Variants in MCFD2 observed in about 807,000 individuals in gnomAD.
MCFD2 encodes the protein multiple coagulation factor deficiency protein 2.
Under a neutral mutation model 12.8 loss-of-function variants are expected in MCFD2, and 11 were observed. The observed-to-expected ratio is 0.86, with a 90% CI of 0.54 to 1.42. The LOEUF (loss-of-function observed/expected upper bound fraction) is 1.42. Ranked by LOEUF, MCFD2 falls within the 40% of genes most tolerant of loss-of-function variation. The pLI, the probability that MCFD2 is intolerant of heterozygous loss-of-function variation, is 0.00. For synonymous variants in MCFD2, 70 were observed against 68.1 expected (o/e 1.03, Z -0.14); for missense variants, 191 against 178.6 (o/e 1.07, Z -0.40).
chr2:46,906,161 A>C (rs567413210), intron 3 of MCFD2, among the ~76,000 whole-genome samples: 1 of 152,246 alleles, frequency 6.6e-6, no homozygotes, highest in South Asian at 2.1e-4. Context: ...TTCCTTTGCC[A>C]CATCTCCCAC....
intron 1 of MCFD2, among the ~76,000 whole-genome samples, chr2:46,929,684 GATTGAAA>G (rs1161764910): frequency 6.6e-6 from 1 of 152,044 alleles, no homozygotes; most frequent in African/African-American, 2.4e-5. Context: ...AAATAAGAAA[GATTGAAA>G]ATTAATGAGC....
intron 1 of MCFD2, among the ~76,000 whole-genome samples, chr2:46,934,570 G>A (rs764504736): frequency 6.6e-5 from 10 of 151,622 alleles, no homozygotes; most frequent in South Asian, 2.1e-4. Context: ...CACCCAACCC[G>A]GCCTGTGACT....
chr2:46,910,666 C>T (rs1377236753), intron 1 of MCFD2: 2 of 152,250 alleles, frequency 1.3e-5, no homozygotes, highest in Non-Finnish European at 2.9e-5. Flanking sequence ...AGAAAAATTT[C>T]CCAAATCCGT....
At position 46,905,423 on chromosome 2, in the gene MCFD2, G is replaced by T; in HGVS notation, c.*40C>A. The T allele has an allele frequency of 6.2e-7, 1 of 1,609,466 alleles. No homozygotes were observed. Among genetic ancestry groups the T allele is most frequent in the Middle Eastern group, 2.3e-4 (1 of 4,438 alleles). ...TAAAGTGTTCAATCACATTATCACG[G>T]GTCACATTTGTATATAACCAGGAGA... On this transcript the variant is annotated 3_prime_UTR_variant, in exon 4 of 4. Coordinates refer to ENST00000319466, the MANE Select transcript of MCFD2 (RefSeq NM_139279.6).
chr2:46,938,669 G>C (rs1429064748), intron 1 of MCFD2, among the ~76,000 whole-genome samples: 1 of 152,194 alleles, frequency 6.6e-6, no homozygotes, highest in East Asian at 1.9e-4. Context: ...TTCTCTTATA[G>C]TCAATAAATT....
intron 1 of MCFD2, among the ~76,000 whole-genome samples, chr2:46,927,340 A>G (rs1379059706): frequency 6.6e-6 from 1 of 151,208 alleles, no homozygotes; most frequent in Non-Finnish European, 1.5e-5. Context: ...TATTAAAGAT[A>G]GAGGAGAAAA....
At chr2:46,910,396 A>G (rs1485774163) in intron 1 of MCFD2, among the ~76,000 whole-genome samples, 1 of 152,208 alleles carries the variant, frequency 6.6e-6, no homozygotes, top group Non-Finnish European at 1.5e-5. Context: ...CCAACAGGCA[A>G]AACAGATTCT....
chr2:46,938,997 C>T (rs1381452565), intron 1 of MCFD2, among the ~76,000 whole-genome samples: 7 of 138,114 alleles, frequency 5.1e-5, no homozygotes, highest in African/African-American at 1.4e-4. Flanking sequence ...GGCAACAGAG[C>T]GAGACTCTGT....
chr2:46,941,613 C>T lies in MCFD2; in HGVS notation c.-49G>A, dbSNP rs1285308798. Reference sequence around the variant, plus strand: ...AGCTGGAGCGCTGCCGCGCCGAGGGCCACTGGGACCGCATGCCGGAGCTGG... The same window carrying T: ...AGCTGGAGCGCTGCCGCGCCGAGGGTCACTGGGACCGCATGCCGGAGCTGG... On this transcript the variant is annotated 5_prime_UTR_variant, in exon 1 of 3. Coordinates refer to the MCFD2 transcript ENST00000409147. This position sits in a 1 kb window ranked among gnomAD's most constrained non-coding sequence, Gnocchi z 4.2. 6.4e-7 allele frequency: 1 copy of T among 1,556,376 alleles called. No individual in the cohort carries two copies. Among genetic ancestry groups the T allele is most frequent in the South Asian group, 1.2e-5 (1 of 84,408 alleles).
At chr2:46,926,686 G>A (rs1669401086) in intron 1 of MCFD2, among the ~76,000 whole-genome samples, 1 of 152,194 alleles carries the variant, frequency 6.6e-6, no homozygotes, top group Admixed American at 6.5e-5. Context: ...CTAAGCATCA[G>A]ATGATTTCTA....
Position 46,904,959 on chromosome 2 carries a change from A to T in MCFD2, c.*504T>A, listed in dbSNP as rs893517338. Reference sequence around the variant, plus strand: ...CGTGTTGTGGGAGAGACCCAAGGGGAGGTAATTGAATCATGGGGGCCAGTC... The same window carrying T: ...CGTGTTGTGGGAGAGACCCAAGGGGTGGTAATTGAATCATGGGGGCCAGTC... On this transcript the variant is annotated 3_prime_UTR_variant, in exon 4 of 4. Transcript: ENST00000319466. 2 of 221,516 alleles carry T rather than the reference A, an allele frequency of 9.0e-6. No homozygotes were observed. The highest frequency in any genetic ancestry group is 1.8e-5 in the Non-Finnish European group (2 of 110,094). 13.7% of individuals were successfully genotyped at this position (221,516 alleles called of 1,614,324 possible).
chr2:46,908,594 G>A lies in MCFD2; in HGVS notation c.149+429C>T, dbSNP rs78965568. The A allele has an allele frequency of 0.017, 5,208 of 306,190 alleles. 278 individuals are homozygous for A. The highest frequency in any genetic ancestry group is 0.11 in the African/African-American group (4,803 of 45,736). The allele number at this position is 306,190 out of a possible 1,614,324, so 19.0% of individuals were successfully genotyped here. On this transcript the variant is annotated intron_variant, in intron 2 of 3. Transcript: ENST00000319466. The surrounding 1 kb of genome is among the most constrained non-coding windows in gnomAD (Gnocchi z 4.5). ...AACAAAGGATAACCGAGTATAATGC[G>A]TGAGGCTAACTGGCCCAAGACAAAA...
intron 1 of MCFD2, among the ~76,000 whole-genome samples, chr2:46,914,315 G>C (rs964103075): frequency 6.6e-6 from 1 of 152,162 alleles, no homozygotes; most frequent in Non-Finnish European, 1.5e-5. Context: ...AGGGGCCCTT[G>C]GTTAAGAATT....
chr2:46,936,597 C>G (rs62140553), intron 1 of MCFD2, among the ~76,000 whole-genome samples: 5,350 of 152,210 alleles, frequency 0.035, 202 homozygotes, highest in East Asian at 0.086. Context: ...GTCTTAATAT[C>G]AACCTGTCTA....
chr2:46,915,693 C>G (rs1389395360), intron 1 of MCFD2, 30 bp downstream of exon 1: 1 of 895,604 alleles, frequency 1.1e-6, no homozygotes. Context: ...GGGATCCCGC[C>G]CGCTGCGGAG....
chr2:46,931,305 C>G (rs1244546072), intron 1 of MCFD2, among the ~76,000 whole-genome samples: 1 of 152,224 alleles, frequency 6.6e-6, no homozygotes, highest in African/African-American at 2.4e-5. Context: ...AGGCTAGTCT[C>G]GAACTCCTGG....
At chr2:46,911,885 C>T (rs1668501874) in intron 1 of MCFD2, among the ~76,000 whole-genome samples, 1 of 151,950 alleles carries the variant, frequency 6.6e-6, no homozygotes, top group Non-Finnish European at 1.5e-5. Context: ...AGATCTGCTA[C>T]CATTTTTTAT....
intron 1 of MCFD2, among the ~76,000 whole-genome samples, chr2:46,931,114 CA>C (rs1669678204): frequency 6.6e-6 from 1 of 152,172 alleles, no homozygotes; most frequent in African/African-American, 2.4e-5. Flanking sequence ...TAATGGCCCC[CA>C]AAGATGTTTA....
chr2:46,910,373 G>A (rs147757731), intron 1 of MCFD2, among the ~76,000 whole-genome samples: 4 of 152,156 alleles, frequency 2.6e-5, no homozygotes, highest in Non-Finnish European at 4.4e-5. Context: ...AGACCTGACC[G>A]AACACTCACT....
Sources: allele counts gnomAD v4.1 joint callset (sites outside exome capture counted in the v4.1 genomes callset), GRCh38; gene constraint gnomAD v4.1.1; non-coding constraint Gnocchi (gnomAD v3.1); transcripts MANE v1.5; gene names NCBI Gene and HGNC (gene_info 2026-07-23, HGNC 2026-07-21).